Variants in RPA3 observed in about 807,000 individuals in gnomAD.
RPA3 encodes the protein replication protein A 14 kDa subunit.
In RPA3, 24 loss-of-function variants were observed where a neutral mutation model predicts 13.7. That is an observed-to-expected ratio of 1.75 (90% CI 1.27 to 2.46). The LOEUF (loss-of-function observed/expected upper bound fraction) is 2.46, where lower values mean the gene tolerates loss of function less well. Ranked by LOEUF, RPA3 falls within the 30% of genes most tolerant of loss-of-function variation. RPA3 has a pLI of 0.00. For missense variants in RPA3, 183 were observed against 151.0 expected (o/e 1.21, Z -1.11); for synonymous variants, 59 against 51.2 (o/e 1.15, Z -0.65).
At chr7:7,664,314 T>C (rs1230294586) in intron 4 of RPA3, among the ~76,000 whole-genome samples, 1 of 152,212 alleles carries the variant, frequency 6.6e-6, no homozygotes, top group Non-Finnish European at 1.5e-5. Context: ...TCAGTACAAC[T>C]GTCTTAACTT....
At chr7:7,711,025 G>A (rs551446331) in intron 2 of RPA3, among the ~76,000 whole-genome samples, 10 of 152,260 alleles carry the variant, frequency 6.6e-5, no homozygotes, top group African/African-American at 1.9e-4. Flanking sequence ...ATTGGTCGCC[G>A]GTGGGTAAGG....
At chr7:7,718,252 A>G (rs1302356081) in intron 1 of RPA3, among the ~76,000 whole-genome samples, 1 of 152,170 alleles carries the variant, frequency 6.6e-6, no homozygotes, top group Non-Finnish European at 1.5e-5. Flanking sequence ...TTTGAAATAT[A>G]CTTATGTGAA....
intron 5 of RPA3, 75 bp from the exon 6 acceptor site, chr7:7,639,219 T>G (rs1784913462): frequency 9.5e-7 from 1 of 1,047,800 alleles, no homozygotes; most frequent in South Asian, 1.5e-5. Flanking sequence ...ACATTGATCC[T>G]TAGTTGAGCA....
intron 4 of RPA3, among the ~76,000 whole-genome samples, chr7:7,648,889 T>C (rs1785157491): frequency 6.7e-6 from 1 of 150,318 alleles, no homozygotes; most frequent in Admixed American, 6.6e-5. Context: ...CCGGGCGCGG[T>C]CGCTCACACT....
intron 4 of RPA3, among the ~76,000 whole-genome samples, chr7:7,662,168 C>G (rs1449747490): frequency 6.6e-6 from 1 of 152,132 alleles, no homozygotes; most frequent in Non-Finnish European, 1.5e-5. Flanking sequence ...CCCCACCAAG[C>G]TCGAGTGTCC....
intron 2 of RPA3, among the ~76,000 whole-genome samples, chr7:7,709,817 G>T (rs567678781): frequency 4.6e-5 from 7 of 151,820 alleles, no homozygotes; most frequent in African/African-American, 1.5e-4. Context: ...TATTCAGAAT[G>T]ACAATGTGAT....
intron 2 of RPA3, among the ~76,000 whole-genome samples, chr7:7,711,460 A>G (rs1452235270): frequency 1.3e-5 from 2 of 152,196 alleles, no homozygotes; most frequent in Non-Finnish European, 2.9e-5. Flanking sequence ...ATTATACTCT[A>G]TCCTTTTTAA....
intron 2 of RPA3, among the ~76,000 whole-genome samples, chr7:7,697,951 A>T (rs1452057379): frequency 6.6e-6 from 1 of 152,156 alleles, no homozygotes; most frequent in Non-Finnish European, 1.5e-5. Context: ...TGAAATAAAA[A>T]CTTTGGGGAG....
intron 4 of RPA3, among the ~76,000 whole-genome samples, chr7:7,645,061 G>T (rs1785063788): frequency 6.6e-6 from 1 of 151,974 alleles, no homozygotes; most frequent in Non-Finnish European, 1.5e-5. Context: ...ATTATGAATG[G>T]TATCATTTTT....
intron 4 of RPA3, among the ~76,000 whole-genome samples, chr7:7,684,626 A>C (rs1316886962): frequency 6.6e-6 from 1 of 152,130 alleles, no homozygotes; most frequent in African/African-American, 2.4e-5. Context: ...TTTTTTGAAA[A>C]ATCAGTGGAA....
chr7:7,684,089 TC>T (rs2115126652), intron 4 of RPA3, among the ~76,000 whole-genome samples: 1 of 152,290 alleles, frequency 6.6e-6, no homozygotes, highest in South Asian at 2.1e-4. Context: ...CTTTAAATCA[TC>T]CCTAGATTAC....
intron 4 of RPA3, among the ~76,000 whole-genome samples, chr7:7,685,051 A>G (rs1400194496): frequency 1.3e-5 from 2 of 152,158 alleles, no homozygotes; most frequent in African/African-American, 2.4e-5. Context: ...TTTCATATTT[A>G]TTTAAACTTT....
In RPA3 at chr7:7,640,307, C is replaced by T. The variant is rs767705201; in HGVS notation, c.99+13G>A. ...CTACGGACTTGGGAGCCCATGATTG[C>T]GAACCCGCACACCTTTTCCAGCCTC... On this transcript the variant is annotated intron_variant, in intron 5 of 7. Coordinates refer to ENST00000223129, the MANE Select transcript of RPA3 (RefSeq NM_002947.5). 4.3e-6 allele frequency: 7 copies of T among 1,613,662 alleles called. No individual in the cohort carries two copies. The highest frequency in any genetic ancestry group is 5.9e-6 in the Non-Finnish European group (7 of 1,179,700).
chr7:7,670,638 C>G (rs752515693), intron 4 of RPA3, among the ~76,000 whole-genome samples: 1 of 152,196 alleles, frequency 6.6e-6, no homozygotes, highest in Non-Finnish European at 1.5e-5. Flanking sequence ...AGTTCAGTGC[C>G]TCTGGCTGAT....
intron 2 of RPA3, chr7:7,689,329 G>T (rs1780117809): frequency 6.6e-6 from 1 of 152,166 alleles, no homozygotes; most frequent in Admixed American, 6.6e-5. Flanking sequence ...TGCCAACTTT[G>T]CTTAGGAGAG....
rs952324680 is a variant in RPA3, at chr7:7,653,471, G to GA, written c.-757-12297dup. On this transcript the variant is annotated intron_variant, in intron 4 of 7. Coordinates refer to ENST00000223129, the MANE Select transcript of RPA3 (RefSeq NM_002947.5). ...GATGCTAGTTAGCATCCTTCTTTAG[G>GA]AAAAAAACTGTGGTTTTCACATGTA... Among the ~76,000 whole-genome samples, 5 of 151,980 alleles carry GA rather than the reference G, an allele frequency of 3.3e-5. No homozygotes were observed. The South Asian group carries it at 6.2e-4, about 19-fold the overall frequency.
At chr7:7,656,795 G>T (rs960905941) in intron 4 of RPA3, among the ~76,000 whole-genome samples, 1 of 152,080 alleles carries the variant, frequency 6.6e-6, no homozygotes, top group Non-Finnish European at 1.5e-5. Context: ...GTGTCTTTAT[G>T]GTAGAATGAT....
chr7:7,638,029 T>C, intron 6 of RPA3, 57 bp from the exon 7 acceptor site: 2 of 1,391,628 alleles, frequency 1.4e-6, no homozygotes, highest in South Asian at 1.2e-5. Context: ...TTGACAATTA[T>C]TTTGGAAAAC....
Position 7,636,742 on chromosome 7 carries a change from T to G in RPA3, c.*258A>C. 1 of 362,192 alleles carries G rather than the reference T, an allele frequency of 2.8e-6. No individual in the cohort carries two copies. The highest frequency in any genetic ancestry group is 4.9e-6 in the Non-Finnish European group (1 of 202,698). 22.4% of individuals were successfully genotyped at this position (362,192 alleles called of 1,614,324 possible). A position where few individuals can be genotyped will look rare whatever the true frequency, so the allele number is the denominator to read the frequency against. On this transcript the variant is annotated 3_prime_UTR_variant, in exon 8 of 8. Coordinates refer to ENST00000223129, the MANE Select transcript of RPA3 (RefSeq NM_002947.5). ...TACGTACCATTTTAGTTTTTATTAA[T>G]AAAATAGAAACTTAGACTCGGACAA... is the stretch of plus-strand genomic sequence containing the variant.
Sources: allele counts gnomAD v4.1 joint callset (sites outside exome capture counted in the v4.1 genomes callset), GRCh38; gene constraint gnomAD v4.1.1; transcripts MANE v1.5; gene names NCBI Gene and HGNC (gene_info 2026-07-23, HGNC 2026-07-21).